The following RFTN1 variants were observed in gnomAD, a reference collection of about 807,000 sequenced individuals.
RFTN1 encodes the protein raftlin, lipid raft linker 1, also known as raftlin.
RFTN1 carries 26 observed loss-of-function variants against 46.5 expected under a neutral mutation model. That is an observed-to-expected ratio of 0.56 (90% CI 0.41 to 0.78). The LOEUF is 0.78. Ranked by LOEUF, RFTN1 falls within the 30% of genes least tolerant of loss-of-function variation. RFTN1 has a pLI of 0.00. For missense variants in RFTN1, 693 were observed against 718.7 expected, an observed-to-expected ratio of 0.96 and a Z score of 0.41; for synonymous variants, 261 against 284.2, an observed-to-expected ratio of 0.92 and a Z score of 0.82.
chr3:16,494,899 C>T (rs978212965), intron 1 of RFTN1, among the ~76,000 whole-genome samples: 8 of 152,146 alleles, frequency 5.3e-5, no homozygotes, highest in African/African-American at 1.4e-4. Flanking sequence ...ACCCAGTGAC[C>T]GCTTCCTTTT....
rs2076398169 is a variant in RFTN1 at position 16,483,350 on chromosome 3, A to AC, written c.145+10374dup. ...ACGATGTTGGGCTCCCCTGTAAAGC[A>AC]CCCCCCTCCCTCCCAGAACCTGCAG... On this transcript the variant is annotated intron_variant, in intron 2 of 9. Transcript: ENST00000334133. This position sits in a 1 kb window ranked among gnomAD's most constrained non-coding sequence, Gnocchi z 4.8. 6.6e-6 allele frequency among the ~76,000 whole-genome samples: 1 copy of AC among 151,496 alleles called. No homozygotes were observed.
chr3:16,488,995 T>A (rs2076497072), intron 2 of RFTN1, among the ~76,000 whole-genome samples: 1 of 152,224 alleles, frequency 6.6e-6, no homozygotes, highest in Non-Finnish European at 1.5e-5. Context: ...TACTCAGCAG[T>A]AAAACAGAAA....
chr3:16,373,807 T>C (rs185484593), intron 5 of RFTN1, among the ~76,000 whole-genome samples: 1 of 152,210 alleles, frequency 6.6e-6, no homozygotes, highest in African/African-American at 2.4e-5. Flanking sequence ...GCTGAGGTCA[T>C]GGGCAGAAGG....
rs2074383987 is a variant in RFTN1, at chr3:16,392,891, T to C, written c.442-14789A>G. ...TGGAGTTGCAAAAAAAGAAAATGTG[T>C]GAGTCTCCTAACCCTCTGTACTTTA... On this transcript the variant is annotated intron_variant, in intron 4 of 9. Transcript: ENST00000334133. Among the ~76,000 whole-genome samples the C allele has an allele frequency of 3.3e-5, 5 of 152,122 alleles. No individual in the cohort carries two copies. In the South Asian group the frequency reaches 1.0e-3, roughly 32 times the overall value.
chr3:16,490,702 T>C (rs1478635189), intron 2 of RFTN1, among the ~76,000 whole-genome samples: 1 of 152,246 alleles, frequency 6.6e-6, no homozygotes, highest in Non-Finnish European at 1.5e-5. Flanking sequence ...ACAATATTGC[T>C]TATCACAACA....
rs571588020 is a variant in RFTN1 at position 16,335,530 on chromosome 3, A to G, written c.1147-8654T>C. ...GCAGGAACAGAAAATCAAACACCAC[A>G]TGTTCTCACTTACAAGTGGGAGAGC... On this transcript the variant is annotated intron_variant, in intron 7 of 9. Transcript: ENST00000334133. The surrounding 1 kb of genome is among the most constrained non-coding windows in gnomAD (Gnocchi z 4.7). Among the ~76,000 whole-genome samples, 5 of 152,340 alleles carry G rather than the reference A, an allele frequency of 3.3e-5. No individual in the cohort carries two copies. Among genetic ancestry groups the G allele is most frequent in the Admixed American group, 2.6e-4 (4 of 15,294 alleles).
At chr3:16,324,104 T>C (rs1164089741) in intron 8 of RFTN1, among the ~76,000 whole-genome samples, 1 of 151,886 alleles carries the variant, frequency 6.6e-6, no homozygotes. Context: ...AGAAGATCAC[T>C]GTTTTTTTTT....
intron 2 of RFTN1, 127 bp from the exon 3 acceptor site, chr3:16,434,164 T>G (rs1268699993): frequency 7.8e-6 from 6 of 766,832 alleles, no homozygotes; most frequent in Admixed American, 3.0e-5. Context: ...TTTGTCCCAG[T>G]TTTTACTGTC....
At chr3:16,371,760 C>T (rs1338566256) in intron 5 of RFTN1, among the ~76,000 whole-genome samples, 1 of 152,202 alleles carries the variant, frequency 6.6e-6, no homozygotes, top group East Asian at 1.9e-4. Context: ...GTTCATCATC[C>T]CCACGCCAAG....
chr3:16,424,608 G>A lies in RFTN1; in HGVS notation c.332+9243C>T, dbSNP rs899488237. 6.6e-6 allele frequency among the ~76,000 whole-genome samples: 1 copy of A among 152,114 alleles called. No homozygotes were observed. The highest frequency in any genetic ancestry group is 1.5e-5 in the Non-Finnish European group (1 of 68,010). On this transcript the variant is annotated intron_variant, in intron 3 of 9. Coordinates refer to ENST00000334133, the MANE Select transcript of RFTN1 (RefSeq NM_015150.2). The surrounding 1 kb of genome is among the most constrained non-coding windows in gnomAD (Gnocchi z 4.7). ...CCATTTTAAGTTCCAACTCATGGTC[G>A]ATGATAGGAAGTGAATGAAATGATG...
intron 7 of RFTN1, among the ~76,000 whole-genome samples, chr3:16,330,419 A>G (rs971527311): frequency 6.6e-6 from 1 of 152,220 alleles, no homozygotes; most frequent in African/African-American, 2.4e-5. Context: ...TTTTAAGTCC[A>G]TTAGCTAAGA....
rs2125495869 is a variant in RFTN1 at position 16,434,040 on chromosome 3, G to T, written c.146-3C>A. Reference sequence around the variant, plus strand: ...TGCTGAGGACCCAGGGAGCTCCGCTGGAGTGGAGAGAGGAGAGGCTCATCA... The same window carrying T: ...TGCTGAGGACCCAGGGAGCTCCGCTTGAGTGGAGAGAGGAGAGGCTCATCA... On this transcript the variant is annotated splice_region_variant and splice_polypyrimidine_tract_variant and intron_variant, in intron 2 of 9. Coordinates refer to ENST00000334133, the MANE Select transcript of RFTN1 (RefSeq NM_015150.2). The T allele has an allele frequency of 4.4e-6, 7 of 1,583,852 alleles. No individual in the cohort carries two copies. The East Asian group carries it at 1.6e-4, about 35-fold the overall frequency.
chr3:16,378,873 A>G (rs2125379711), intron 4 of RFTN1, among the ~76,000 whole-genome samples: 1 of 152,368 alleles, frequency 6.6e-6, no homozygotes, highest in African/African-American at 2.4e-5. Context: ...ACCCACCTGC[A>G]GTACCGAGGT....
Position 16,498,643 on chromosome 3 carries a change from C to T in RFTN1, c.-8-4766G>A, listed in dbSNP as rs1198967080. Among the ~76,000 whole-genome samples, 1 of 152,156 alleles carries T rather than the reference C, an allele frequency of 6.6e-6. No homozygotes were observed. The highest frequency in any genetic ancestry group is 1.5e-5 in the Non-Finnish European group (1 of 68,034). On this transcript the variant is annotated intron_variant, in intron 1 of 9. Transcript: ENST00000334133. This position sits in a 1 kb window ranked among gnomAD's most constrained non-coding sequence, Gnocchi z 5.2. ...ACAGCCCTCTTTGGAAAGGGAGACA[C>T]AGGAAGTAGTTGCTGGCCATCAAAA...
At chr3:16,363,881 T>C (rs567966011) in intron 6 of RFTN1, among the ~76,000 whole-genome samples, 2 of 151,682 alleles carry the variant, frequency 1.3e-5, no homozygotes, top group East Asian at 3.9e-4. Flanking sequence ...GGATTAGCAA[T>C]CGCCAACTGC....
intron 5 of RFTN1, among the ~76,000 whole-genome samples, chr3:16,372,486 C>T (rs1459502766): frequency 3.9e-5 from 6 of 152,190 alleles, no homozygotes; most frequent in African/African-American, 1.2e-4. Flanking sequence ...TAGCACCACT[C>T]GCTACAGCCT....
At chr3:16,401,295 G>C (rs2074595275) in intron 4 of RFTN1, among the ~76,000 whole-genome samples, 1 of 147,796 alleles carries the variant, frequency 6.8e-6, no homozygotes, top group Non-Finnish European at 1.5e-5. Context: ...CTGTACTCCA[G>C]CCTGGGCAAC....
At chr3:16,491,434 G>A (rs985629902) in intron 2 of RFTN1, among the ~76,000 whole-genome samples, 8 of 152,232 alleles carry the variant, frequency 5.3e-5, no homozygotes, top group South Asian at 2.1e-4. Flanking sequence ...GTAGGAGGAC[G>A]AGGGCAGGAG....
intron 9 of RFTN1, among the ~76,000 whole-genome samples, chr3:16,318,853 A>G (rs889484093): frequency 1.3e-5 from 2 of 152,172 alleles, no homozygotes; most frequent in African/African-American, 2.4e-5. Context: ...AGATGGGTGG[A>G]GCTTCTTCCA....
Sources: gnomAD v4.1 joint callset for allele counts (sites outside exome capture counted in the v4.1 genomes callset) on GRCh38, gnomAD v4.1.1 for gene constraint, Gnocchi (gnomAD v3.1) non-coding constraint, MANE v1.5 for transcripts, NCBI Gene and HGNC (gene_info 2026-07-23, HGNC 2026-07-21) for gene names.